The following VSTM5 variants were observed in gnomAD, a reference collection of about 807,000 sequenced individuals.
The protein encoded by VSTM5 is V-set and transmembrane domain containing 5.
VSTM5 carries 21 observed loss-of-function variants against 20.3 expected under a neutral mutation model. That is an observed-to-expected ratio of 1.03 (90% CI 0.73 to 1.49). The LOEUF is 1.49. VSTM5 is among the 40% of genes most tolerant of loss of function. VSTM5 has a pLI of 0.00. For missense variants in VSTM5, 219 were observed against 250.0 expected (o/e 0.88, Z 0.84); for synonymous variants, 100 against 102.5 (o/e 0.98, Z 0.14).
intron 1 of VSTM5, among the ~76,000 whole-genome samples, chr11:93,836,783 G>T (rs985247370): frequency 2.6e-5 from 4 of 152,220 alleles, no homozygotes; most frequent in Non-Finnish European, 4.4e-5. Flanking sequence ...TTGCCTATTT[G>T]GTTCCCTGTT....
chr11:93,845,246 A>G (rs1042502878), intron 1 of VSTM5, among the ~76,000 whole-genome samples: 3 of 152,218 alleles, frequency 2.0e-5, no homozygotes, highest in Admixed American at 6.5e-5. Context: ...AGGTCCGTGT[A>G]CACTCAGAGA....
intron 1 of VSTM5, among the ~76,000 whole-genome samples, chr11:93,831,227 C>T (rs601711): frequency 0.51 from 77,882 of 151,816 alleles, 23,334 homozygotes; most frequent in East Asian, 0.75. Context: ...CAGGGTTTCA[C>T]CATGGTGTTC....
chr11:93,842,241 C>T (rs1944376050), intron 1 of VSTM5, among the ~76,000 whole-genome samples: 1 of 152,078 alleles, frequency 6.6e-6, no homozygotes, highest in African/African-American at 2.4e-5. Context: ...TGGAGTTGTA[C>T]CAGGGATTAA....
rs539100800 is a variant in VSTM5, at chr11:93,821,257, A to C, written c.158T>G (p.Leu53Arg). The C allele has an allele frequency of 1.3e-5, 20 of 1,551,822 alleles. No homozygotes were observed. The highest frequency in any genetic ancestry group is 1.7e-5 in the Non-Finnish European group (20 of 1,147,030). ...TCCATGACAGGAGTACTCAACTGAG[A>C]GCAGGATGTCTTCTTTGACAGTGGC... ...INATVKEDIL[L>R]SVEYSCHGVP... The change falls in exon 2 of 4, where the codon CTC becomes CGC. Residue 53 changes from leucine (L) to arginine (R), a missense_variant. Transcript: ENST00000409977.
chr11:93,847,346 A>G (rs1944422165), intron 1 of VSTM5, among the ~76,000 whole-genome samples: 1 of 152,032 alleles, frequency 6.6e-6, no homozygotes, highest in South Asian at 2.1e-4. Flanking sequence ...GATTCCTTCT[A>G]TACTGGCTCC....
chr11:93,829,099 C>T (rs1361800523), intron 1 of VSTM5, among the ~76,000 whole-genome samples: 1 of 152,220 alleles, frequency 6.6e-6, no homozygotes, highest in Non-Finnish European at 1.5e-5. Flanking sequence ...GCAGCCCCCA[C>T]CACTTACCCT....
chr11:93,833,424 CAA>C (rs1380518003), intron 1 of VSTM5, among the ~76,000 whole-genome samples: 1 of 151,948 alleles, frequency 6.6e-6, no homozygotes, highest in Non-Finnish European at 1.5e-5. Context: ...GCAAAAAATA[CAA>C]AAATTAGCTG....
chr11:93,832,933 G>A (rs914068344), intron 1 of VSTM5, among the ~76,000 whole-genome samples: 17 of 152,292 alleles, frequency 1.1e-4, no homozygotes, highest in Middle Eastern at 3.4e-3. Flanking sequence ...TCCCAGAATA[G>A]CACATGGCTC....
rs1324277193 is a variant in VSTM5 at position 93,820,923 on chromosome 11, C to A, written c.419-40G>T. ...TGAGGGGAGGGGGAAGACAACATTT[C>A]TTTTAATATCGTGAAATTGGCCTCC... On this transcript the variant is annotated intron_variant, in intron 2 of 3. Coordinates refer to ENST00000409977, the MANE Select transcript of VSTM5 (RefSeq NM_001144871.2). 11 of 1,550,826 alleles carry A rather than the reference C, an allele frequency of 7.1e-6. No individual in the cohort carries two copies. The East Asian group carries it at 2.7e-4, about 38-fold the overall frequency.
rs1479286985 is a variant in VSTM5, at chr11:93,819,432, G to C, written c.*1137C>G. ...GTGGTCCAGTCCCCAATCTCACCTG[G>C]AGCCCCAAGACCTCAGAGGATTTTA... On this transcript the variant is annotated 3_prime_UTR_variant, in exon 4 of 4. Coordinates refer to ENST00000409977, the MANE Select transcript of VSTM5 (RefSeq NM_001144871.2). 1 of 152,240 alleles carries C rather than the reference G, an allele frequency of 6.6e-6. No homozygotes were observed. The highest frequency in any genetic ancestry group is 1.9e-4 in the East Asian group (1 of 5,202). The allele number at this position is 152,240 out of a possible 1,614,324, so 9.4% of individuals were successfully genotyped here. A position where few individuals can be genotyped will look rare whatever the true frequency, so the allele number is the denominator to read the frequency against.
At chr11:93,847,487 T>G (rs960142217) in intron 1 of VSTM5, among the ~76,000 whole-genome samples, 2 of 152,224 alleles carry the variant, frequency 1.3e-5, no homozygotes, top group African/African-American at 4.8e-5. Flanking sequence ...CCTCTATTTT[T>G]CTGAGGACTG....
At position 93,820,984 on chromosome 11, in the gene VSTM5, TG is replaced by T; in HGVS notation, c.418+12del. 2 of 1,551,106 alleles carry T rather than the reference TG, an allele frequency of 1.3e-6. No homozygotes were observed. The highest frequency in any genetic ancestry group is 1.7e-6 in the Non-Finnish European group (2 of 1,146,572). On this transcript the variant is annotated intron_variant, in intron 2 of 3. Coordinates refer to ENST00000409977, the MANE Select transcript of VSTM5 (RefSeq NM_001144871.2). ...CAGTTCAGAGGGGTGCCCGGGGCCC[TG>T]GGATGTCTTACCAGAGACGTGCAGC... is the stretch of plus-strand genomic sequence containing the variant.
At chr11:93,850,222 G>T (rs1254574522) in intron 1 of VSTM5, among the ~76,000 whole-genome samples, 190 bp downstream of exon 1, 1 of 151,978 alleles carries the variant, frequency 6.6e-6, no homozygotes, top group Non-Finnish European at 1.5e-5. Context: ...TACGGTCGGC[G>T]CCGGGTCTCC....
chr11:93,833,584 C>T lies in VSTM5; in HGVS notation c.92-12261G>A, dbSNP rs1944299500. Among the ~76,000 whole-genome samples the T allele has an allele frequency of 2.0e-5, 3 of 152,152 alleles. No homozygotes were observed. In the South Asian group the frequency reaches 6.2e-4, roughly 32 times the overall value. ...CTGTCTCAAAAATAAAATAGTATTA[C>T]ATATGTGGCTTGCATGTGAGCCTTG... is the stretch of plus-strand genomic sequence containing the variant. On this transcript the variant is annotated intron_variant, in intron 1 of 3. Transcript: ENST00000409977.
chr11:93,846,782 T>TTTTTG (rs1565305366), intron 1 of VSTM5, among the ~76,000 whole-genome samples: 4 of 147,020 alleles, frequency 2.7e-5, no homozygotes, highest in African/African-American at 1.0e-4. Flanking sequence ...TTTTTTTTTT[T>TTTTTG]TTTGAGATGG....
chr11:93,821,423 G>T, intron 1 of VSTM5, 100 bp from the exon 2 acceptor site: 2 of 1,116,102 alleles, frequency 1.8e-6, no homozygotes, highest in Non-Finnish European at 2.5e-6. Context: ...TTTATTGTGT[G>T]CCTATTATAT....
chr11:93,834,739 T>A (rs1298532), intron 1 of VSTM5, among the ~76,000 whole-genome samples: 1 of 147,660 alleles, frequency 6.8e-6, no homozygotes, highest in Non-Finnish European at 1.5e-5. Flanking sequence ...GCTGAGATTG[T>A]GCCACTGCAC....
intron 1 of VSTM5, among the ~76,000 whole-genome samples, chr11:93,826,542 C>A (rs958371944): frequency 6.6e-6 from 1 of 151,886 alleles, no homozygotes; most frequent in Non-Finnish European, 1.5e-5. Flanking sequence ...GGACTACAGG[C>A]GCCCACCATA....
intron 1 of VSTM5, among the ~76,000 whole-genome samples, chr11:93,832,321 C>G (rs1591399421): frequency 6.6e-6 from 1 of 152,162 alleles, no homozygotes; most frequent in African/African-American, 2.4e-5. Context: ...GAGAATGATT[C>G]CACTTAAATA....
Sources: allele counts gnomAD v4.1 joint callset (sites outside exome capture counted in the v4.1 genomes callset), GRCh38; gene constraint gnomAD v4.1.1; transcripts MANE v1.5; gene names NCBI Gene and HGNC (gene_info 2026-07-23, HGNC 2026-07-21).